Variants in BRIP1 observed in about 807,000 individuals in gnomAD.
The protein encoded by BRIP1 is Fanconi anemia group J protein.
In BRIP1, 88 loss-of-function variants were observed where a neutral mutation model predicts 119.7. The observed-to-expected ratio is 0.74, with a 90% CI of 0.62 to 0.88. The LOEUF (loss-of-function observed/expected upper bound fraction) is 0.88, where lower values mean the gene tolerates loss of function less well. BRIP1 is among the 40% of genes least tolerant of loss of function. The pLI is 0.00. For synonymous variants in BRIP1, 443 were observed against 496.5 expected, an observed-to-expected ratio of 0.89 and a Z score of 1.43; for missense variants, 1,259 against 1,455.4, an observed-to-expected ratio of 0.87 and a Z score of 2.20.
rs1259646559 is a variant in BRIP1, at chr17:61,755,363, C to T, written c.2098-10772G>A. 6.6e-6 allele frequency among the ~76,000 whole-genome samples: 1 copy of T among 151,940 alleles called. No homozygotes were observed. Among genetic ancestry groups the T allele is most frequent in the Non-Finnish European group, 1.5e-5 (1 of 67,970 alleles). Reference sequence around the variant, plus strand: ...TCACTTGAGCCCAGGAGTTCAAGACCAGCCTGGGCAACTTGGCAAAACCCT... The same window carrying T: ...TCACTTGAGCCCAGGAGTTCAAGACTAGCCTGGGCAACTTGGCAAAACCCT... On this transcript the variant is annotated intron_variant, in intron 14 of 19. Coordinates refer to ENST00000259008, the MANE Select transcript of BRIP1 (RefSeq NM_032043.3). The surrounding 1 kb of genome is among the most constrained non-coding windows in gnomAD (Gnocchi z 4.5).
chr17:61,780,885 T>C lies in BRIP1; in HGVS notation c.1749A>G (p.Lys583=), dbSNP rs2145092281. The C allele has an allele frequency of 6.2e-7, 1 of 1,614,204 alleles. No homozygotes were observed. The highest frequency in any genetic ancestry group is 8.5e-7 in the Non-Finnish European group (1 of 1,180,036). ...AAAAGTTTAGCACATGAACTGCAGT[T>C]TTCTGTCGTGAACGTTTCTTATTTT... ...LPKNKKRSRQ[K]TAVHVLNFWC... Residue 583 remains lysine (K), a synonymous_variant, in exon 12 of 20, where the codon AAA becomes AAG. Coordinates refer to ENST00000259008, the MANE Select transcript of BRIP1 (RefSeq NM_032043.3). This position sits in a 1 kb window ranked among gnomAD's most constrained non-coding sequence, Gnocchi z 5.4.
In BRIP1 at chr17:61,836,367, C is replaced by T. The variant is rs371619376; in HGVS notation, c.627+10734G>A. Among the ~76,000 whole-genome samples the T allele has an allele frequency of 8.5e-5, 13 of 152,230 alleles. No homozygotes were observed. The East Asian group carries it at 1.6e-3, about 18-fold the overall frequency. On this transcript the variant is annotated intron_variant, in intron 6 of 19. Transcript: ENST00000259008. ...CTGGGCTCAAGTGATCCACCTACCT[C>T]AGCCTCCCCAAGTGCTGGGATTACA...
At position 61,808,715 on chromosome 17, in the gene BRIP1, C is replaced by G. The variant is rs1567838486; in HGVS notation, c.670G>C (p.Gly224Arg). 6.2e-7 allele frequency: 1 copy of G among 1,613,728 alleles called. No homozygotes were observed. Among genetic ancestry groups the G allele is most frequent in the Non-Finnish European group, 8.5e-7 (1 of 1,179,910 alleles). The change falls in exon 7 of 20, where the codon GGA becomes CGA. Residue 224 changes from glycine to arginine, a missense_variant. By Grantham distance (125) the Gly-to-Arg change is moderately radical. This residue lies in a region of BRIP1 where 501 missense variants were observed against 544.0 expected (regional missense o/e 0.92). Transcript: ENST00000259008. This position sits in a 1 kb window ranked among gnomAD's most constrained non-coding sequence, Gnocchi z 4.1. ...GTATTCGATGACTCTTGACTGTTTC[C>G]TTGTTTAGTAGAACAACAGCACCTA... ...CSRCCCSTKQ[G>R]NSQESSNTIK... is the part of the protein sequence containing the mutation.
At position 61,776,485 on chromosome 17, in the gene BRIP1, CT is replaced by C. The variant is rs1438059784; in HGVS notation, c.2012del (p.Glu671GlyfsTer17). 1 of 1,614,182 alleles carries C rather than the reference CT, an allele frequency of 6.2e-7. No homozygotes were observed. Among genetic ancestry groups the C allele is most frequent in the Non-Finnish European group, 8.5e-7 (1 of 1,180,028 alleles). Reference protein sequence around the residue: ...CATFQNTETFEFQDEVGALLL... With the variant: ...CATFQNTETFXFQDEVGALLL... ...AAAGTGCTCCCACTTCATCTTGGAA[CT>C]CAAATGTTTCAGTATTCTGGAAGGT... is the stretch of plus-strand genomic sequence containing the variant. On this transcript the variant is annotated frameshift_variant, in exon 14 of 20. Transcript: ENST00000259008. LOFTEE classifies it high-confidence loss of function. This position sits in a 1 kb window ranked among gnomAD's most constrained non-coding sequence, Gnocchi z 5.0.
Position 61,680,243 on chromosome 17 carries a change from G to A in BRIP1, c.*3053C>T, listed in dbSNP as rs986238841. 1.3e-5 allele frequency among the ~76,000 whole-genome samples: 2 copies of A among 150,192 alleles called. No homozygotes were observed. The highest frequency in any genetic ancestry group is 4.9e-5 in the African/African-American group (2 of 40,840). On this transcript the variant is annotated 3_prime_UTR_variant, in exon 20 of 20. Coordinates refer to ENST00000259008, the MANE Select transcript of BRIP1 (RefSeq NM_032043.3). ...GGTGTACACCTGTAATCCCAGCTAC[G>A]CAGGAGGCTGAGACATGAGAATCGC... is the stretch of plus-strand genomic sequence containing the variant.
At chr17:61,712,101 G>A (rs2061786088) in intron 17 of BRIP1, among the ~76,000 whole-genome samples, 1 of 152,050 alleles carries the variant, frequency 6.6e-6, no homozygotes, top group Admixed American at 6.5e-5. Context: ...AAATACACAA[G>A]ACACCAGAAA....
At position 61,744,435 on chromosome 17, in the gene BRIP1, T is replaced by G. The variant is rs876659651; in HGVS notation, c.2254A>C (p.Lys752Gln). The part of the protein sequence containing the change: ...YYDAIKYKGE[K>Q]DGALLVAVCR... ...CCATGAAATAATTTCCAGTTACCTT[T>G]CTCTCCTTTGTATTTGATTGCGTCA... The change falls in exon 15 of 20, where the codon AAA becomes CAA. Residue 752 changes from lysine to glutamine, a missense_variant. Physicochemically the swap from Lys to Gln is moderately conservative, Grantham distance 53. Transcript: ENST00000259008. The surrounding 1 kb of genome is among the most constrained non-coding windows in gnomAD (Gnocchi z 5.0). 3.7e-6 allele frequency: 6 copies of G among 1,613,744 alleles called. No homozygotes were observed. The highest frequency in any genetic ancestry group is 5.1e-6 in the Non-Finnish European group (6 of 1,179,798).
chr17:61,771,913 G>A (rs1603321877), intron 14 of BRIP1, among the ~76,000 whole-genome samples: 4 of 152,130 alleles, frequency 2.6e-5, no homozygotes, highest in Admixed American at 2.6e-4. Flanking sequence ...AATGAGCTGA[G>A]ATGATGCCAC....
At position 61,808,056 on chromosome 17, in the gene BRIP1, C is replaced by T. The variant is rs936258686; in HGVS notation, c.918+411G>A. 6.6e-6 allele frequency among the ~76,000 whole-genome samples: 1 copy of T among 151,994 alleles called. No homozygotes were observed. The highest frequency in any genetic ancestry group is 1.5e-5 in the Non-Finnish European group (1 of 67,956). ...TTCAATTAAGAAAATTCAAACTTTG[C>T]CCAGACAGCCTAAATAAACTATCTG... On this transcript the variant is annotated intron_variant, in intron 7 of 19. Coordinates refer to ENST00000259008, the MANE Select transcript of BRIP1 (RefSeq NM_032043.3). This position sits in a 1 kb window ranked among gnomAD's most constrained non-coding sequence, Gnocchi z 4.1.
chr17:61,769,137 T>C lies in BRIP1; in HGVS notation c.2097+7264A>G, dbSNP rs1187298863. 6.6e-6 allele frequency among the ~76,000 whole-genome samples: 1 copy of C among 152,134 alleles called. No homozygotes were observed. The highest frequency in any genetic ancestry group is 6.5e-5 in the Admixed American group (1 of 15,270). On this transcript the variant is annotated intron_variant, in intron 14 of 19. Transcript: ENST00000259008. This position sits in a 1 kb window ranked among gnomAD's most constrained non-coding sequence, Gnocchi z 4.9. ...AACTGAGGGACCCTGGAAGCTAATCTTTCCCCAGTCAAGCCTTTAGTGAGA... is the reference window on the plus strand; with the variant it reads ...AACTGAGGGACCCTGGAAGCTAATCCTTCCCCAGTCAAGCCTTTAGTGAGA...
chr17:61,826,731 TAAAAAAAAAAA>T (rs58466965), intron 6 of BRIP1, among the ~76,000 whole-genome samples: 12 of 75,316 alleles, frequency 1.6e-4, no homozygotes, highest in African/African-American at 5.4e-4. Context: ...TATTAAAAAG[TAAAAAAAAAAA>T]AAAAAAAAAA....
Position 61,860,125 on chromosome 17 carries a change from T to C in BRIP1, c.94-218A>G, listed in dbSNP as rs541162334. Among the ~76,000 whole-genome samples, 23 of 152,098 alleles carry C rather than the reference T, an allele frequency of 1.5e-4. No individual in the cohort carries two copies. In the South Asian group the frequency reaches 3.7e-3, roughly 25 times the overall value. On this transcript the variant is annotated intron_variant, in intron 2 of 19. Coordinates refer to ENST00000259008, the MANE Select transcript of BRIP1 (RefSeq NM_032043.3). This position sits in a 1 kb window ranked among gnomAD's most constrained non-coding sequence, Gnocchi z 4.1. The stretch of plus-strand genomic sequence containing the variant: ...AAAATATCAAGCACAAGAGAAGAAA[T>C]GAAAAGAGGAATCTGTGCCAGAATT...
intron 16 of BRIP1, among the ~76,000 whole-genome samples, chr17:61,727,774 C>CTG (rs1567766067): frequency 2.4e-5 from 2 of 84,868 alleles, no homozygotes; most frequent in African/African-American, 4.1e-5. Context: ...CTGTCTGTCT[C>CTG]TCTCTCTCTC....
At chr17:61,779,137 CATA>C (rs2077576536) in intron 13 of BRIP1, among the ~76,000 whole-genome samples, 1 of 152,212 alleles carries the variant, frequency 6.6e-6, no homozygotes, top group Non-Finnish European at 1.5e-5. Context: ...TCATAGGACT[CATA>C]AGAGTACTTT....
intron 16 of BRIP1, among the ~76,000 whole-genome samples, chr17:61,733,960 AT>A (rs1236371469): frequency 1.3e-5 from 2 of 152,204 alleles, no homozygotes; most frequent in Non-Finnish European, 2.9e-5. Flanking sequence ...AAATATAAAC[AT>A]TTTTAGCCAT....
At chr17:61,819,408 A>G (rs1009757406) in intron 6 of BRIP1, among the ~76,000 whole-genome samples, 2 of 152,186 alleles carry the variant, frequency 1.3e-5, no homozygotes, top group Non-Finnish European at 1.5e-5. Context: ...AAATCAGTAT[A>G]TCGAGGAGAT....
At position 61,740,410 on chromosome 17, in the gene BRIP1, C is replaced by G. The variant is rs977882084; in HGVS notation, c.2379+2603G>C. ...ATTTCTATTAAGTTCCCAGGTGATACGAATGCACCTGGCCCAGGACCAGAC... is the reference window on the plus strand; with the variant it reads ...ATTTCTATTAAGTTCCCAGGTGATAGGAATGCACCTGGCCCAGGACCAGAC... On this transcript the variant is annotated intron_variant, in intron 16 of 19. Coordinates refer to ENST00000259008, the MANE Select transcript of BRIP1 (RefSeq NM_032043.3). The surrounding 1 kb of genome is among the most constrained non-coding windows in gnomAD (Gnocchi z 5.4). Among the ~76,000 whole-genome samples the G allele has an allele frequency of 6.6e-6, 1 of 152,070 alleles. No homozygotes were observed. Among genetic ancestry groups the G allele is most frequent in the Non-Finnish European group, 1.5e-5 (1 of 68,014 alleles).
intron 16 of BRIP1, among the ~76,000 whole-genome samples, chr17:61,716,886 T>A (rs2061887432): frequency 2.4e-5 from 1 of 42,004 alleles, no homozygotes; most frequent in Admixed American, 1.7e-4. Flanking sequence ...ATGATATACA[T>A]CCTTATTAGT....
chr17:61,701,017 C>T lies in BRIP1; in HGVS notation c.2493-7505G>A, dbSNP rs1029378863. On this transcript the variant is annotated intron_variant, in intron 17 of 19. Coordinates refer to ENST00000259008, the MANE Select transcript of BRIP1 (RefSeq NM_032043.3). This position sits in a 1 kb window ranked among gnomAD's most constrained non-coding sequence, Gnocchi z 5.1. ...GGTTTTTGTTAAGCAAATTTTATCT[C>T]TTTATTGATATTCCCTATTTAGTGA... is the stretch of plus-strand genomic sequence containing the variant. Among the ~76,000 whole-genome samples, 1 of 152,130 alleles carries T rather than the reference C, an allele frequency of 6.6e-6. No homozygotes were observed. The highest frequency in any genetic ancestry group is 2.4e-5 in the African/African-American group (1 of 41,430).
Sources: allele counts gnomAD v4.1 joint callset (sites outside exome capture counted in the v4.1 genomes callset), GRCh38; gene constraint gnomAD v4.1.1; regional missense constraint gnomAD v4.1.1; non-coding constraint Gnocchi (gnomAD v3.1); transcripts MANE v1.5; gene names NCBI Gene and HGNC (gene_info 2026-07-23, HGNC 2026-07-21).